FMN2: variants seen among roughly 807,000 people sequenced by gnomAD.
FMN2 encodes the protein formin 2, also known as formin-2.
FMN2 carries 51 observed loss-of-function variants against 142.3 expected under a neutral mutation model. The ratio of observed to expected loss-of-function variants is 0.36; its 90% confidence interval spans 0.29 to 0.45. The LOEUF is 0.45. Among genes scored for constraint, FMN2 ranks in the 20% least tolerant of loss-of-function variants. The pLI is 1.00. For synonymous variants in FMN2, 882 were observed against 869.8 expected, an observed-to-expected ratio of 1.01 and a Z score of -0.25; for missense variants, 1,936 against 2,122.8, an observed-to-expected ratio of 0.91 and a Z score of 1.73.
At chr1:240,279,243 T>C (rs1669317713) in intron 7 of FMN2, among the ~76,000 whole-genome samples, 1 of 152,032 alleles carries the variant, frequency 6.6e-6, no homozygotes, top group South Asian at 2.1e-4. Context: ...GCTCTGACAA[T>C]AAAAATGGTT....
intron 6 of FMN2, among the ~76,000 whole-genome samples, chr1:240,248,491 T>A (rs1558392267): frequency 6.7e-6 from 1 of 149,964 alleles, no homozygotes; most frequent in African/African-American, 2.4e-5. Context: ...AAAAATATTT[T>A]TTCTTTATTT....
intron 7 of FMN2, among the ~76,000 whole-genome samples, chr1:240,284,506 AG>A (rs1669521459): frequency 1.3e-5 from 2 of 152,180 alleles, no homozygotes; most frequent in Admixed American, 1.3e-4. Flanking sequence ...CTTCTATAAA[AG>A]CACTTTCCCT....
Position 240,187,602 on chromosome 1 carries a change from T to C in FMN2, c.1931-605T>C, listed in dbSNP as rs557948982. ...CACACAAGCTTCACTTAGAAGAAAG[T>C]GCCCTCTCGCTTACGAAAAGAAATC... On this transcript the variant is annotated intron_variant, in intron 3 of 17. Transcript: ENST00000319653. Among the ~76,000 whole-genome samples the C allele has an allele frequency of 2.0e-3, 305 of 152,320 alleles. 1 individual carries two copies. Among genetic ancestry groups the C allele is most frequent in the Non-Finnish European group, 3.2e-3 (221 of 68,012 alleles).
intron 15 of FMN2, among the ~76,000 whole-genome samples, chr1:240,397,913 T>A (rs541480804): frequency 6.6e-6 from 1 of 150,646 alleles, no homozygotes; most frequent in Non-Finnish European, 1.5e-5. Flanking sequence ...AAATTAACTA[T>A]CACAATTTCT....
chr1:240,447,271 TG>T (rs1328302114), intron 16 of FMN2, among the ~76,000 whole-genome samples: 1 of 152,142 alleles, frequency 6.6e-6, no homozygotes, highest in East Asian at 1.9e-4. Context: ...TGGGGGATGT[TG>T]GGAGGTTGGA....
At chr1:240,293,197 G>A (rs1370791858) in intron 7 of FMN2, among the ~76,000 whole-genome samples, 1 of 152,206 alleles carries the variant, frequency 6.6e-6, no homozygotes, top group East Asian at 1.9e-4. Context: ...TAATAGTATG[G>A]TTTAAAATGA....
intron 16 of FMN2, among the ~76,000 whole-genome samples, chr1:240,441,670 T>A (rs1675626979): frequency 6.6e-6 from 1 of 150,938 alleles, no homozygotes; most frequent in African/African-American, 2.4e-5. Flanking sequence ...ATTAGTGTCC[T>A]CATATATGGT....
chr1:240,399,746 C>T (rs1027447650), intron 15 of FMN2, among the ~76,000 whole-genome samples: 4 of 152,128 alleles, frequency 2.6e-5, no homozygotes, highest in Non-Finnish European at 4.4e-5. Context: ...GTGTAGCCAA[C>T]CGAGAATGCT....
intron 4 of FMN2, among the ~76,000 whole-genome samples, chr1:240,199,872 C>CT (rs1384991264): frequency 6.6e-6 from 1 of 152,026 alleles, no homozygotes; most frequent in Admixed American, 6.6e-5. Context: ...GCCAAGCTTA[C>CT]TTTTCTCTTT....
At chr1:240,109,538 G>A (rs1661730676) in intron 1 of FMN2, among the ~76,000 whole-genome samples, 4 of 152,050 alleles carry the variant, frequency 2.6e-5, no homozygotes, top group Admixed American at 2.6e-4. Context: ...CTGAACCTAT[G>A]TACACCCTTC....
At chr1:240,402,936 A>AT (rs1336645838) in intron 15 of FMN2, among the ~76,000 whole-genome samples, 1 of 152,182 alleles carries the variant, frequency 6.6e-6, no homozygotes, top group African/African-American at 2.4e-5. Context: ...TAAAAACTAT[A>AT]TTTTCAGGTG....
At chr1:240,114,236 A>T (rs1294914106) in intron 1 of FMN2, among the ~76,000 whole-genome samples, 3 of 152,232 alleles carry the variant, frequency 2.0e-5, no homozygotes, top group African/African-American at 7.2e-5. Context: ...GTATGCTACA[A>T]TGTCATTCTT....
intron 8 of FMN2, among the ~76,000 whole-genome samples, chr1:240,296,842 A>G (rs1179495887): frequency 6.6e-6 from 1 of 152,200 alleles, no homozygotes; most frequent in Non-Finnish European, 1.5e-5. Context: ...GTCAGAAACA[A>G]AGATTGAGAG....
chr1:240,356,020 T>C (rs1672260896), intron 14 of FMN2, 112 bp downstream of exon 14: 4 of 683,776 alleles, frequency 5.8e-6, no homozygotes, highest in African/African-American at 2.0e-5. Context: ...TACATATTGC[T>C]TTAAAAGGGC....
intron 1 of FMN2, among the ~76,000 whole-genome samples, chr1:240,095,031 G>T (rs1301340264): frequency 6.6e-6 from 1 of 151,488 alleles, no homozygotes; most frequent in African/African-American, 2.4e-5. Context: ...TCTTTATTGT[G>T]TAGATTGTTA....
intron 16 of FMN2, among the ~76,000 whole-genome samples, chr1:240,452,187 T>C (rs2103211139): frequency 6.6e-6 from 1 of 152,124 alleles, no homozygotes; most frequent in African/African-American, 2.4e-5. Flanking sequence ...CAAGACTCTG[T>C]CTCAAAAAAA....
intron 4 of FMN2, among the ~76,000 whole-genome samples, chr1:240,193,798 ATC>A (rs1665807501): frequency 1.3e-5 from 2 of 152,106 alleles, no homozygotes; most frequent in African/African-American, 4.8e-5. Flanking sequence ...AACCCTTCTA[ATC>A]TCTCCTCCAC....
intron 2 of FMN2, among the ~76,000 whole-genome samples, chr1:240,127,394 C>G (rs537590361): frequency 5.4e-4 from 80 of 147,374 alleles, no homozygotes; most frequent in Admixed American, 1.0e-3. Context: ...TAAATGGGAG[C>G]TTTTGGGAGG....
At chr1:240,468,925 C>CAG (rs1676721869) in intron 16 of FMN2, among the ~76,000 whole-genome samples, 1 of 152,186 alleles carries the variant, frequency 6.6e-6, no homozygotes, top group African/African-American at 2.4e-5. Context: ...AGTCGACCTC[C>CAG]AGGGACACAT....
Sources: gnomAD v4.1 joint callset for allele counts (sites outside exome capture counted in the v4.1 genomes callset) on GRCh38, gnomAD v4.1.1 for gene constraint, MANE v1.5 for transcripts, NCBI Gene and HGNC (gene_info 2026-07-23, HGNC 2026-07-21) for gene names.